The following EML6 variants were observed in gnomAD, a reference collection of about 807,000 sequenced individuals.
EML6 encodes EMAP like 6.
A neutral mutation model predicts 240.1 loss-of-function variants in EML6; 154 were observed. That is an observed-to-expected ratio of 0.64 (90% CI 0.56 to 0.73). The LOEUF is 0.73. Ranked by LOEUF, EML6 falls within the 30% of genes least tolerant of loss-of-function variation. The pLI is 0.00. For missense variants in EML6, 2,964 were observed against 2,474.6 expected (o/e 1.20, Z -4.20); for synonymous variants, 1,148 against 899.0 (o/e 1.28, Z -4.95).
intron 15 of EML6, among the ~76,000 whole-genome samples, 164 bp downstream of exon 15, chr2:54,869,531 G>C (rs61653960): frequency 0.039 from 5,983 of 152,252 alleles, 404 homozygotes; most frequent in African/African-American, 0.13. Context: ...GGAGAATCAA[G>C]CAAAGCATTT....
chr2:54,812,806 T>G (rs1451164922), intron 2 of EML6, among the ~76,000 whole-genome samples: 1 of 152,142 alleles, frequency 6.6e-6, no homozygotes, highest in Non-Finnish European at 1.5e-5. Context: ...CTAGTGCTTC[T>G]GCAAGTATGT....
At chr2:54,796,680 G>A (rs1239610630) in intron 2 of EML6, among the ~76,000 whole-genome samples, 1 of 152,074 alleles carries the variant, frequency 6.6e-6, no homozygotes, top group East Asian at 1.9e-4. Flanking sequence ...CAGAAACAGG[G>A]ATTTAAGCAT....
chr2:54,879,725 C>A (rs1202728528), intron 17 of EML6, 85 bp downstream of exon 17: 1 of 832,860 alleles, frequency 1.2e-6, no homozygotes, highest in Non-Finnish European at 1.9e-6. Flanking sequence ...GGTAAGATTT[C>A]ATCTTCAAAC....
chr2:54,970,042 C>G lies in EML6; in HGVS notation c.5853-29C>G, dbSNP rs72795418. On this transcript the variant is annotated intron_variant, in intron 41 of 41. Coordinates refer to ENST00000356458, the MANE Select transcript of EML6 (RefSeq NM_001039753.4). ...GACACAAGTATGATGTCCAGCTATG[C>G]AAAATGACTGTTTGATCTGCCTTTT... The G allele has an allele frequency of 4.1e-3, 6,299 of 1,551,410 alleles. 21 individuals are homozygous for G. Among genetic ancestry groups the G allele is most frequent in the Non-Finnish European group, 5.1e-3 (5,838 of 1,146,696 alleles).
chr2:54,818,067 A>G lies in EML6; in HGVS notation c.456+1182A>G, dbSNP rs934044320. 3.3e-5 allele frequency among the ~76,000 whole-genome samples: 5 copies of G among 152,252 alleles called. No individual in the cohort carries two copies. In the East Asian group the frequency reaches 7.7e-4, roughly 24 times the overall value. On this transcript the variant is annotated intron_variant, in intron 4 of 41. Transcript: ENST00000356458. ...TAATATTTTATCTGAGTTACTCTGC[A>G]TTTACTGCTTCTATTTCTGAGTCAT...
At position 54,964,127 on chromosome 2, in the gene EML6, C is replaced by T. The variant is rs1367157950; in HGVS notation, c.5299C>T (p.Arg1767Ter). ...VNSLKVWGKK[R>*]DRKSAIQDIR... ...CAGCCTGAAAGTTTGGGGGAAAAAA[C>T]GAGACCGGAAATCTGCTATCCAAGA... Residue 1767 changes from arginine (R) to a stop codon, truncating the protein, a stop_gained, in exon 37 of 42, where the codon CGA (arginine) becomes TGA (stop). Coordinates refer to ENST00000356458, the MANE Select transcript of EML6 (RefSeq NM_001039753.4). LOFTEE classifies it high-confidence loss of function. 25 of 1,551,538 alleles carry T rather than the reference C, an allele frequency of 1.6e-5. No individual in the cohort carries two copies. The highest frequency in any genetic ancestry group is 2.1e-5 in the Non-Finnish European group (24 of 1,146,990).
At chr2:54,960,756 ACTGT>A (rs1160522344) in intron 35 of EML6, among the ~76,000 whole-genome samples, 3 of 152,106 alleles carry the variant, frequency 2.0e-5, no homozygotes, top group Non-Finnish European at 4.4e-5. Context: ...GGGCCACCAA[ACTGT>A]CTGACTCAAA....
At chr2:54,796,495 T>G (rs1281695109) in intron 2 of EML6, among the ~76,000 whole-genome samples, 1 of 152,074 alleles carries the variant, frequency 6.6e-6, no homozygotes, top group Non-Finnish European at 1.5e-5. Context: ...TTGGTAAGTT[T>G]TTTTTTTCTT....
At chr2:54,819,360 G>T (rs770831163) in intron 4 of EML6, among the ~76,000 whole-genome samples, 1 of 152,150 alleles carries the variant, frequency 6.6e-6, no homozygotes. Context: ...TCTCAGATGG[G>T]CCCTGGAAAT....
At chr2:54,786,468 A>G (rs1669095079) in intron 2 of EML6, among the ~76,000 whole-genome samples, 1 of 152,188 alleles carries the variant, frequency 6.6e-6, no homozygotes. Flanking sequence ...GCTCAGCCAC[A>G]GTGGGGTCCC....
intron 20 of EML6, 55 bp from the exon 21 acceptor site, chr2:54,895,218 T>A: frequency 6.5e-7 from 1 of 1,537,716 alleles, no homozygotes. Flanking sequence ...ATTGAATTTA[T>A]ACTAATAAGC....
At chr2:54,772,750 A>G (rs528772823) in intron 2 of EML6, among the ~76,000 whole-genome samples, 2 of 152,330 alleles carry the variant, frequency 1.3e-5, no homozygotes, top group African/African-American at 4.8e-5. Context: ...CTTCACACCC[A>G]GGTCTGTTCC....
At chr2:54,789,788 G>A (rs1669327921) in intron 2 of EML6, among the ~76,000 whole-genome samples, 1 of 152,194 alleles carries the variant, frequency 6.6e-6, no homozygotes, top group African/African-American at 2.4e-5. Flanking sequence ...AGGTAGAATA[G>A]AAGGAATTTG....
Position 54,892,462 on chromosome 2 carries a change from T to C in EML6, c.2548T>C (p.Phe850Leu). 6.4e-7 allele frequency: 1 copy of C among 1,550,882 alleles called. No individual in the cohort carries two copies. Among genetic ancestry groups the C allele is most frequent in the African/African-American group, 1.4e-5 (1 of 73,142 alleles). The change falls in exon 19 of 42, where the codon TTC becomes CTC. Residue 850 changes from phenylalanine to leucine, a missense_variant. By Grantham distance (22) the Phe-to-Leu change is conservative. Coordinates refer to ENST00000356458, the MANE Select transcript of EML6 (RefSeq NM_001039753.4). ...TTCTTGGTCCACTCTAGGTGGGGGC[T>C]TCACTTCTAAAAGAGGAACTTTTGG... ...IKFWQQAGGG[F>L]TSKRGTFGSV...
At chr2:54,867,771 A>G (rs936405901) in intron 14 of EML6, 1 of 152,172 alleles carries the variant, frequency 6.6e-6, no homozygotes, top group African/African-American at 2.4e-5. Context: ...AAATACCTGA[A>G]GAAGTCCTTC....
chr2:54,934,653 A>G (rs887930261), intron 28 of EML6, among the ~76,000 whole-genome samples: 3 of 152,088 alleles, frequency 2.0e-5, no homozygotes, highest in Non-Finnish European at 4.4e-5. Flanking sequence ...GGGCTCAAGC[A>G]ATTCTCCCAC....
intron 17 of EML6, among the ~76,000 whole-genome samples, chr2:54,889,359 G>A (rs12467381): frequency 0.16 from 23,821 of 151,192 alleles, 2,326 homozygotes; most frequent in South Asian, 0.35. Context: ...TCTTTTTATT[G>A]GAACTAAGTT....
chr2:54,952,535 G>T, intron 30 of EML6, 59 bp from the exon 31 acceptor site: 1 of 1,074,290 alleles, frequency 9.3e-7, no homozygotes, highest in Non-Finnish European at 1.4e-6. Context: ...ATGTTTTGAA[G>T]TTGCCCTAAA....
Position 54,774,323 on chromosome 2 carries a change from A to G in EML6, c.198-38909A>G, listed in dbSNP as rs1668511720. On this transcript the variant is annotated intron_variant, in intron 2 of 41. Transcript: ENST00000356458. The surrounding 1 kb of genome is among the most constrained non-coding windows in gnomAD (Gnocchi z 4.1). The stretch of plus-strand genomic sequence containing the variant: ...AGTCAGGATACTATGCAGGCTCCAC[A>G]GGATGGTCAGGCCTTTATGTTCCTA... Among the ~76,000 whole-genome samples the G allele has an allele frequency of 6.6e-6, 1 of 152,216 alleles. No individual in the cohort carries two copies. Among genetic ancestry groups the G allele is most frequent in the South Asian group, 2.1e-4 (1 of 4,832 alleles).
Sources: gnomAD v4.1 joint callset for allele counts (sites outside exome capture counted in the v4.1 genomes callset) on GRCh38, gnomAD v4.1.1 for gene constraint, Gnocchi (gnomAD v3.1) non-coding constraint, MANE v1.5 for transcripts, NCBI Gene and HGNC (gene_info 2026-07-23, HGNC 2026-07-21) for gene names.